Variants in RAPGEF5 observed in about 807,000 individuals in gnomAD.
RAPGEF5 encodes the protein Rap guanine nucleotide exchange factor 5.
A neutral mutation model predicts 125.2 loss-of-function variants in RAPGEF5; 65 were observed. The ratio of observed to expected loss-of-function variants is 0.52; its 90% CI spans 0.43 to 0.64. The LOEUF (loss-of-function observed/expected upper bound fraction) is 0.64. Among genes scored for constraint, RAPGEF5 ranks in the 30% least tolerant of loss-of-function variants. The pLI is 0.00. For missense variants in RAPGEF5, 958 were observed against 1,048.1 expected (o/e 0.91, Z 1.19); for synonymous variants, 391 against 385.9 (o/e 1.01, Z -0.16).
rs962283505 is a variant in RAPGEF5, at chr7:22,141,358, C to G, written c.2187-1243G>C. On this transcript the variant is annotated intron_variant, in intron 20 of 25. Transcript: ENST00000665637. ...AAAGGTTCTCGATACATAATACAAA[C>G]CGCTGTCTCCTAAAGCTATACTGAT... Among the ~76,000 whole-genome samples, 3 of 152,196 alleles carry G rather than the reference C, an allele frequency of 2.0e-5. No homozygotes were observed. The South Asian group carries it at 6.2e-4, about 32-fold the overall frequency.
intron 1 of RAPGEF5, among the ~76,000 whole-genome samples, chr7:22,324,420 A>C (rs1783775409): frequency 6.6e-6 from 1 of 152,336 alleles, no homozygotes; most frequent in African/African-American, 2.4e-5. Context: ...AGCAGGACAC[A>C]TGGCACATGT....
chr7:22,309,424 C>T (rs577968576), intron 4 of RAPGEF5, among the ~76,000 whole-genome samples: 2 of 152,274 alleles, frequency 1.3e-5, no homozygotes, highest in South Asian at 4.2e-4. Flanking sequence ...CCAGATTGCT[C>T]GGTTTCTAAT....
intron 9 of RAPGEF5, among the ~76,000 whole-genome samples, chr7:22,216,229 C>T (rs556840126): frequency 6.6e-6 from 1 of 152,294 alleles, no homozygotes; most frequent in South Asian, 2.1e-4. Context: ...TCCTCTAAAG[C>T]AATGCCAGAG....
chr7:22,327,486 C>T (rs1457011754), intron 1 of RAPGEF5, among the ~76,000 whole-genome samples: 1 of 152,166 alleles, frequency 6.6e-6, no homozygotes, highest in Non-Finnish European at 1.5e-5. Flanking sequence ...AAATCTAGCC[C>T]TTTTAATACC....
chr7:22,298,414 C>T (rs1019824158), intron 5 of RAPGEF5, among the ~76,000 whole-genome samples: 12 of 151,998 alleles, frequency 7.9e-5, no homozygotes, highest in Non-Finnish European at 1.6e-4. Context: ...TCTGTCCTCA[C>T]GTGATCCGCC....
chr7:22,206,635 T>C (rs949280818), intron 9 of RAPGEF5, among the ~76,000 whole-genome samples: 7 of 148,022 alleles, frequency 4.7e-5, no homozygotes, highest in Non-Finnish European at 7.4e-5. Context: ...CAGTGAGTTG[T>C]GATTTTTCCA....
At chr7:22,164,231 A>G (rs1166719054) in intron 12 of RAPGEF5, among the ~76,000 whole-genome samples, 1 of 152,110 alleles carries the variant, frequency 6.6e-6, no homozygotes, top group Non-Finnish European at 1.5e-5. Context: ...GTTGGGATGC[A>G]GAGACAGGAG....
intron 5 of RAPGEF5, among the ~76,000 whole-genome samples, chr7:22,304,075 C>T (rs1475502462): frequency 6.6e-6 from 1 of 151,992 alleles, no homozygotes; most frequent in Non-Finnish European, 1.5e-5. Context: ...TTTCTCTGAT[C>T]ACAGTATATT....
At chr7:22,244,355 G>A (rs978317696) in intron 7 of RAPGEF5, among the ~76,000 whole-genome samples, 6 of 152,098 alleles carry the variant, frequency 3.9e-5, no homozygotes, top group Admixed American at 3.9e-4. Flanking sequence ...GGCCTGTTAG[G>A]AACCAGGCCA....
At chr7:22,160,424 C>A (rs1783950194) in intron 14 of RAPGEF5, 94 bp downstream of exon 14, 3 of 1,237,830 alleles carry the variant, frequency 2.4e-6, no homozygotes, top group Non-Finnish European at 2.2e-6. Context: ...TCAAAATGTT[C>A]AAAATCAACT....
chr7:22,182,475 G>GC (rs1301065049), intron 11 of RAPGEF5, among the ~76,000 whole-genome samples: 1 of 152,084 alleles, frequency 6.6e-6, no homozygotes, highest in Non-Finnish European at 1.5e-5. Flanking sequence ...CTCCAGAAAT[G>GC]CCCCACTTAA....
chr7:22,214,431 G>T lies in RAPGEF5; in HGVS notation c.996+5435C>A, dbSNP rs111836998. On this transcript the variant is annotated intron_variant, in intron 9 of 25. Transcript: ENST00000665637. The stretch of plus-strand genomic sequence containing the variant: ...CATTTCTACAGTTGGAAGTCAGGAA[G>T]TCAGGTTAGGAGCTATTGTTGGTAT... Among the ~76,000 whole-genome samples, 1,137 of 152,272 alleles carry T rather than the reference G, an allele frequency of 7.5e-3. 17 individuals carry two copies. Among genetic ancestry groups the T allele is most frequent in the African/African-American group, 0.025 (1,037 of 41,540 alleles).
intron 7 of RAPGEF5, among the ~76,000 whole-genome samples, chr7:22,248,056 A>G (rs1021418451): frequency 2.0e-5 from 3 of 152,170 alleles, no homozygotes; most frequent in Non-Finnish European, 4.4e-5. Context: ...TGCATACCCC[A>G]AACCTTAGCA....
chr7:22,200,363 TAA>T (rs1236325852), intron 9 of RAPGEF5, among the ~76,000 whole-genome samples: 1 of 152,168 alleles, frequency 6.6e-6, no homozygotes, highest in African/African-American at 2.4e-5. Context: ...TAGAAATGAT[TAA>T]GAGAGAGATT....
At chr7:22,312,500 C>T (rs1179246542) in intron 3 of RAPGEF5, among the ~76,000 whole-genome samples, 4 of 152,102 alleles carry the variant, frequency 2.6e-5, no homozygotes, top group South Asian at 2.1e-4. Context: ...TGAGCCACCA[C>T]GCCTGGCCAG....
At chr7:22,127,896 T>C (rs1416872622) in intron 24 of RAPGEF5, among the ~76,000 whole-genome samples, 1 of 152,256 alleles carries the variant, frequency 6.6e-6, no homozygotes, top group Non-Finnish European at 1.5e-5. Flanking sequence ...TTCTATTCGA[T>C]AGTGGAAAAT....
chr7:22,312,824 A>G (rs1783504542), intron 3 of RAPGEF5, among the ~76,000 whole-genome samples: 1 of 152,234 alleles, frequency 6.6e-6, no homozygotes, highest in South Asian at 2.1e-4. Flanking sequence ...CACTATCATT[A>G]ATATCACCAA....
At chr7:22,285,046 C>G (rs553758146) in intron 6 of RAPGEF5, among the ~76,000 whole-genome samples, 1 of 152,156 alleles carries the variant, frequency 6.6e-6, no homozygotes, top group Non-Finnish European at 1.5e-5. Context: ...CGTGCCAGAA[C>G]GCTCACATCA....
chr7:22,337,349 A>G (rs1231958695), intron 1 of RAPGEF5, among the ~76,000 whole-genome samples: 2 of 152,156 alleles, frequency 1.3e-5, no homozygotes, highest in African/African-American at 4.8e-5. Context: ...GGTCATTAGA[A>G]ATGCAAAAGT....
Sources: gnomAD v4.1 joint callset for allele counts (sites outside exome capture counted in the v4.1 genomes callset) on GRCh38, gnomAD v4.1.1 for gene constraint, MANE v1.5 for transcripts, NCBI Gene and HGNC (gene_info 2026-07-23, HGNC 2026-07-21) for gene names.